The following KCNMB3 variants were observed in gnomAD, a reference collection of about 807,000 sequenced individuals.
KCNMB3 encodes calcium-activated potassium channel subunit beta-3.
KCNMB3 carries 18 observed loss-of-function variants against 11.9 expected under a neutral mutation model. The observed-to-expected ratio is 1.51, with a 90% CI of 1.04 to 2.23. KCNMB3 has a LOEUF of 2.23. Ranked by LOEUF, KCNMB3 falls within the 30% of genes most tolerant of loss-of-function variation. The pLI, the probability that KCNMB3 is intolerant of heterozygous loss-of-function variation, is 0.00. For missense variants in KCNMB3, 247 were observed against 329.4 expected, an observed-to-expected ratio of 0.75 and a Z score of 1.94; for synonymous variants, 78 against 119.2, an observed-to-expected ratio of 0.65 and a Z score of 2.25.
intron 1 of KCNMB3, among the ~76,000 whole-genome samples, chr3:179,258,455 T>C (rs1726095066): frequency 6.6e-6 from 1 of 152,234 alleles, no homozygotes; most frequent in Non-Finnish European, 1.5e-5. Flanking sequence ...CTTAAAATGA[T>C]TATTGTTCTA....
At chr3:179,248,682 T>A (rs1311630344) in intron 1 of KCNMB3, among the ~76,000 whole-genome samples, 1 of 148,110 alleles carries the variant, frequency 6.8e-6, no homozygotes, top group Admixed American at 6.8e-5. Context: ...GAGCCATGAT[T>A]GAACCACTGC....
upstream of KCNMB3, chr3:179,251,613 G>A: frequency 7.9e-7 from 1 of 1,270,662 alleles, no homozygotes; most frequent in Non-Finnish European, 9.9e-7. Flanking sequence ...TTCTCGCAGG[G>A]CAGGGTGTCT....
intron 1 of KCNMB3, among the ~76,000 whole-genome samples, chr3:179,246,603 G>A (rs760297116): frequency 1.3e-5 from 2 of 152,016 alleles, no homozygotes; most frequent in Admixed American, 1.3e-4. Context: ...AAAAAATACT[G>A]GGCAAGTGAA....
upstream of KCNMB3, among the ~76,000 whole-genome samples, chr3:179,253,597 G>A (rs1237672193): frequency 1.3e-5 from 2 of 152,170 alleles, no homozygotes; most frequent in African/African-American, 2.4e-5. Flanking sequence ...CCTGAGCTCA[G>A]GAGTTTGAGA....
intron 1 of KCNMB3, among the ~76,000 whole-genome samples, chr3:179,263,800 CTTTTTTTT>C (rs60270913): frequency 8.3e-5 from 5 of 59,980 alleles, no homozygotes; most frequent in Admixed American, 5.0e-4. Flanking sequence ...TTTTTCTTTT[CTTTTTTTT>C]TTTTTTTTTT....
At position 179,248,941 on chromosome 3, in the gene KCNMB3, G is replaced by A. The variant is rs188596476; in HGVS notation, c.248+1802C>T. Among the ~76,000 whole-genome samples, 433 of 150,730 alleles carry A rather than the reference G, an allele frequency of 2.9e-3. 4 individuals are homozygous for A. The highest frequency in any genetic ancestry group is 0.023 in the Admixed American group (350 of 15,122). ...GTGGGAGGACTGCTTGAGCCCAGGA[G>A]TTCAAGACTGCAATGAGCTGTGATC... On this transcript the variant is annotated intron_variant, in intron 1 of 2. Coordinates refer to ENST00000392685, the MANE Select transcript of KCNMB3 (RefSeq NM_171830.2).
intron 1 of KCNMB3, among the ~76,000 whole-genome samples, chr3:179,265,181 G>T (rs1468924): frequency 0.45 from 67,712 of 152,006 alleles, 17,262 homozygotes; most frequent in African/African-American, 0.7. Context: ...ATTGGTTCAT[G>T]TCTAGCGAGA....
At chr3:179,259,670 T>C (rs773283479) in intron 1 of KCNMB3, 155 of 1,607,902 alleles carry the variant, frequency 9.6e-5, no homozygotes, top group Middle Eastern at 3.8e-4. Context: ...TTAACTCTTT[T>C]TAAACATCTT....
upstream of KCNMB3, chr3:179,251,367 C>A: frequency 7.0e-7 from 1 of 1,435,500 alleles, no homozygotes; most frequent in Middle Eastern, 2.6e-4. Context: ...GCGTCCTGAA[C>A]AGGGTTTGAC....
chr3:179,259,543 C>T lies in KCNMB3; in HGVS notation c.62+7106G>A. ...TCAACATTTTCACTGCTTTCTGCTG[C>T]AATTTTCTGTTTTGGATTTTCAGTC... On this transcript the variant is annotated intron_variant, in intron 1 of 3. Coordinates refer to the KCNMB3 transcript ENST00000349697. The T allele has an allele frequency of 4.3e-6, 7 of 1,610,660 alleles. No homozygotes were observed. The South Asian group carries it at 7.7e-5, about 18-fold the overall frequency.
chr3:179,262,688 T>G lies in KCNMB3; in HGVS notation c.62+3961A>C, dbSNP rs149253378. 8.8e-3 allele frequency among the ~76,000 whole-genome samples: 1,333 copies of G among 152,300 alleles called. 34 individuals are homozygous for G. Among genetic ancestry groups the G allele is most frequent in the African/African-American group, 0.031 (1,286 of 41,554 alleles). On this transcript the variant is annotated intron_variant, in intron 1 of 3. Transcript: ENST00000349697. ...ATTTTACAGAGAGCTAATTGGCCCA[T>G]TTTGACAGGGTGCTGATTGGTGCGT...
chr3:179,260,978 G>A (rs1477298118), intron 1 of KCNMB3: 1 of 997,850 alleles, frequency 1.0e-6, no homozygotes, highest in Non-Finnish European at 1.6e-6. Context: ...CCTGATGGAC[G>A]CCTCGGTGTC....
At chr3:179,264,784 C>G (rs1311633660) in intron 1 of KCNMB3, among the ~76,000 whole-genome samples, 1 of 152,136 alleles carries the variant, frequency 6.6e-6, no homozygotes, top group African/African-American at 2.4e-5. Flanking sequence ...ATTCATTTCA[C>G]GGGTGTATGT....
intron 1 of KCNMB3, among the ~76,000 whole-genome samples, chr3:179,263,770 T>C (rs1259365755): frequency 1.3e-5 from 2 of 151,474 alleles, no homozygotes; most frequent in Non-Finnish European, 2.9e-5. Context: ...TTTTTGTTTT[T>C]TGTTTCTGTT....
chr3:179,254,994 G>A (rs1319133609), upstream of KCNMB3, among the ~76,000 whole-genome samples: 2 of 151,922 alleles, frequency 1.3e-5, no homozygotes, highest in African/African-American at 2.4e-5. Flanking sequence ...GCTAAGCCCT[G>A]TCTCTATTAA....
intron 1 of KCNMB3, chr3:179,261,309 C>G: frequency 8.1e-7 from 1 of 1,233,882 alleles, no homozygotes; most frequent in Non-Finnish European, 1.0e-6. Flanking sequence ...CGGCGGGAAA[C>G]GCTCGGGGAC....
At chr3:179,251,367 C>T, upstream of KCNMB3, 2 of 1,435,500 alleles carry the variant, frequency 1.4e-6, no homozygotes, top group Non-Finnish European at 1.8e-6. Flanking sequence ...GCGTCCTGAA[C>T]AGGGTTTGAC....
chr3:179,266,868 A>G, exon 1 of KCNMB3: 1 of 1,433,942 alleles, frequency 7.0e-7, no homozygotes, highest in South Asian at 1.5e-5. Flanking sequence ...GCCTTCCTGG[A>G]GAGGTGAGAA....
intron 1 of KCNMB3, among the ~76,000 whole-genome samples, chr3:179,264,702 C>T (rs1000638077): frequency 2.0e-5 from 3 of 152,168 alleles, no homozygotes; most frequent in Non-Finnish European, 2.9e-5. Flanking sequence ...CTCCCTCCAG[C>T]ACTGAAACTT....
Sources: allele counts gnomAD v4.1 joint callset (sites outside exome capture counted in the v4.1 genomes callset), GRCh38; gene constraint gnomAD v4.1.1; transcripts MANE v1.5; gene names NCBI Gene and HGNC (gene_info 2026-07-23, HGNC 2026-07-21).